Variants in SPPL2A observed in about 807,000 individuals in gnomAD.
SPPL2A encodes the protein signal peptide peptidase like 2A, also known as signal peptide peptidase-like 2A.
A neutral mutation model predicts 63.8 loss-of-function variants in SPPL2A; 51 were observed. That is an observed-to-expected ratio of 0.80 (90% CI 0.64 to 1.01). SPPL2A has a LOEUF of 1.01. Among genes scored for constraint, SPPL2A ranks in the 50% least tolerant of loss-of-function variants. SPPL2A has a pLI of 0.00. For synonymous variants in SPPL2A, 188 were observed against 205.8 expected (o/e 0.91, Z 0.74); for missense variants, 553 against 622.7 (o/e 0.89, Z 1.19).
intron 1 of SPPL2A, among the ~76,000 whole-genome samples, chr15:50,759,385 A>G (rs2062989307): frequency 6.6e-6 from 1 of 152,126 alleles, no homozygotes; most frequent in African/African-American, 2.4e-5. Context: ...GTTTGAGACT[A>G]ACCAGGGCAA....
chr15:50,746,762 G>A (rs894207572), intron 5 of SPPL2A: 8 of 149,906 alleles, frequency 5.3e-5, no homozygotes, highest in Non-Finnish European at 8.8e-5. Flanking sequence ...CCACCTCCCA[G>A]GTTCAAGCAA....
At chr15:50,708,107 G>C (rs1567146337) in intron 14 of SPPL2A, among the ~76,000 whole-genome samples, 1 of 152,140 alleles carries the variant, frequency 6.6e-6, no homozygotes, top group Non-Finnish European at 1.5e-5. Context: ...TGTGTTCTCT[G>C]GATCTTCCGT....
chr15:50,733,001 C>A (rs2062742719), intron 8 of SPPL2A, among the ~76,000 whole-genome samples: 1 of 152,034 alleles, frequency 6.6e-6, no homozygotes, highest in Admixed American at 6.6e-5. Flanking sequence ...AACAACAAAA[C>A]CCCTCATATA....
At chr15:50,757,480 C>A (rs1477874262) in intron 1 of SPPL2A, among the ~76,000 whole-genome samples, 2 of 152,114 alleles carry the variant, frequency 1.3e-5, no homozygotes, top group Non-Finnish European at 2.9e-5. Context: ...TACTGCTCAC[C>A]CCCAATCTTC....
At chr15:50,742,391 CAA>C (rs35768341) in intron 5 of SPPL2A, among the ~76,000 whole-genome samples, 2 of 138,938 alleles carry the variant, frequency 1.4e-5, no homozygotes, top group Non-Finnish European at 3.2e-5. Context: ...ACCTCGACTC[CAA>C]AAAAAAAAAA....
rs141135635 is a variant in SPPL2A at position 50,726,870 on chromosome 15, A to G, written c.1090-493T>C. On this transcript the variant is annotated intron_variant, in intron 10 of 14. Transcript: ENST00000261854. ...ACATCTGACCTTCTGGCTACTCACC[A>G]CAATAACAAAACAATGAAACCAAAC... Among the ~76,000 whole-genome samples the G allele has an allele frequency of 2.4e-4, 37 of 152,332 alleles. No individual in the cohort carries two copies. The East Asian group carries it at 7.1e-3, about 29-fold the overall frequency.
intron 14 of SPPL2A, among the ~76,000 whole-genome samples, chr15:50,716,991 T>C (rs973791664): frequency 6.6e-6 from 1 of 152,180 alleles, no homozygotes. Flanking sequence ...CCCTGTTGCC[T>C]TTCCTTCATC....
At chr15:50,734,134 C>T (rs565857854) in intron 8 of SPPL2A, among the ~76,000 whole-genome samples, 22 of 152,060 alleles carry the variant, frequency 1.4e-4, no homozygotes, top group African/African-American at 1.9e-4. Context: ...CCAGCAATCC[C>T]GCCATTGGAT....
At chr15:50,742,298 G>T (rs961692567) in intron 5 of SPPL2A, among the ~76,000 whole-genome samples, 5 of 151,992 alleles carry the variant, frequency 3.3e-5, no homozygotes, top group African/African-American at 1.2e-4. Flanking sequence ...GCTGAGGCAG[G>T]AGAATTGCTT....
intron 5 of SPPL2A, among the ~76,000 whole-genome samples, chr15:50,744,386 A>AT (rs1285818624): frequency 6.6e-6 from 1 of 152,200 alleles, no homozygotes. Context: ...GAAATTACAA[A>AT]TAACCTTAGC....
chr15:50,756,888 A>G (rs937526938), intron 1 of SPPL2A, among the ~76,000 whole-genome samples: 1 of 152,120 alleles, frequency 6.6e-6, no homozygotes, highest in Admixed American at 6.6e-5. Flanking sequence ...ATCTGCTGTC[A>G]CTTCAAGTCC....
rs2062515323 is a variant in SPPL2A, at chr15:50,707,129, T to G, written c.*671A>C. The G allele has an allele frequency of 6.6e-6, 1 of 152,040 alleles. No homozygotes were observed. Among genetic ancestry groups the G allele is most frequent in the Non-Finnish European group, 1.5e-5 (1 of 68,024 alleles). The allele number at this position is 152,040 out of a possible 1,614,324, so 9.4% of individuals were successfully genotyped here. A position where few individuals can be genotyped will look rare whatever the true frequency, so the allele number is the denominator to read the frequency against. On this transcript the variant is annotated 3_prime_UTR_variant, in exon 15 of 15. Transcript: ENST00000261854. ...GAGCAGATATAATTTGCATAAATCT[T>G]TTTTTTTGGGATGGAGTCTCACTCT...
intron 8 of SPPL2A, among the ~76,000 whole-genome samples, chr15:50,735,426 A>T (rs1033269509): frequency 6.6e-6 from 1 of 151,996 alleles, no homozygotes. Context: ...ATATCAATTC[A>T]TAGAGATCTT....
At chr15:50,765,326 G>C (rs1596404346) in intron 1 of SPPL2A, 142 bp downstream of exon 1, 1 of 537,736 alleles carries the variant, frequency 1.9e-6, no homozygotes, top group African/African-American at 2.0e-5. Context: ...GAAAGAGGAG[G>C]GGAGGAAAGA....
At chr15:50,719,289 G>A (rs1275937604) in intron 14 of SPPL2A, among the ~76,000 whole-genome samples, 1 of 152,102 alleles carries the variant, frequency 6.6e-6, no homozygotes, top group African/African-American at 2.4e-5. Context: ...TTGTTGCCCA[G>A]GCTGGAGTGC....
rs1413191504 is a variant in SPPL2A at position 50,726,498 on chromosome 15, A to G, written c.1090-121T>C. ...TACACTGATTGAAAATGGGCTGCAGACTGCTTTTTTCCTAAAGTCTTTGTA... is the reference window on the plus strand; with the variant it reads ...TACACTGATTGAAAATGGGCTGCAGGCTGCTTTTTTCCTAAAGTCTTTGTA... On this transcript the variant is annotated intron_variant, in intron 10 of 14. Coordinates refer to ENST00000261854, the MANE Select transcript of SPPL2A (RefSeq NM_032802.4). 1.6e-5 allele frequency: 14 copies of G among 886,782 alleles called. No individual in the cohort carries two copies. The Middle Eastern group carries it at 1.3e-3, about 84-fold the overall frequency. The allele number at this position is 886,782 out of a possible 1,614,324, so 54.9% of individuals were successfully genotyped here.
rs2062881180 is a variant in SPPL2A at position 50,748,815 on chromosome 15, A to G, written c.233T>C (p.Ile78Thr). 5 of 1,611,636 alleles carry G rather than the reference A, an allele frequency of 3.1e-6. No homozygotes were observed. The highest frequency in any genetic ancestry group is 3.4e-6 in the Non-Finnish European group (4 of 1,179,144). Residue 78 changes from isoleucine to threonine, a missense_variant, in exon 3 of 15, where the codon ATT (isoleucine) becomes ACT (threonine). By Grantham distance (89) the Ile-to-Thr change is moderately conservative. Transcript: ENST00000261854. ...TTTGCTCTTTATGCCAACAGGAGGA[A>G]TATCAGAAAGGTTGCATAGTGGTGT... The part of the protein sequence containing the change: ...TSTPLCNLSD[I>T]PPVGIKSKAV...
At chr15:50,739,183 T>TC (rs1385192760) in intron 6 of SPPL2A, among the ~76,000 whole-genome samples, 1 of 150,210 alleles carries the variant, frequency 6.7e-6, no homozygotes, top group East Asian at 1.9e-4. Flanking sequence ...TTTTTTTTTT[T>TC]TTTTTTTTTT....
At position 50,710,892 on chromosome 15, in the gene SPPL2A, T is replaced by C. The variant is rs141401576; in HGVS notation, c.1489-3018A>G. Among the ~76,000 whole-genome samples the C allele has an allele frequency of 3.2e-3, 480 of 152,282 alleles. 3 individuals are homozygous for C. Among genetic ancestry groups the C allele is most frequent in the African/African-American group, 0.011 (469 of 41,552 alleles). The stretch of plus-strand genomic sequence containing the variant: ...TACCTGCCCAGAGAAAAATAGCCCA[T>C]TGGATATTGCTGCACAAATTTAACT... On this transcript the variant is annotated intron_variant, in intron 14 of 14. Coordinates refer to ENST00000261854, the MANE Select transcript of SPPL2A (RefSeq NM_032802.4).
Sources: gnomAD v4.1 joint callset for allele counts (sites outside exome capture counted in the v4.1 genomes callset) on GRCh38, gnomAD v4.1.1 for gene constraint, MANE v1.5 for transcripts, NCBI Gene and HGNC (gene_info 2026-07-23, HGNC 2026-07-21) for gene names.